KLHL1: variants seen among roughly 807,000 people sequenced by gnomAD.
The protein encoded by KLHL1 is kelch-like protein 1.
A neutral mutation model predicts 77.7 loss-of-function variants in KLHL1; 47 were observed. That is an observed-to-expected ratio of 0.60 (90% confidence interval 0.48 to 0.77). KLHL1 has a LOEUF of 0.77. KLHL1 is among the 30% of genes least tolerant of loss of function. KLHL1 has a pLI of 0.00. For synonymous variants in KLHL1, 360 were observed against 325.2 expected, an observed-to-expected ratio of 1.11 and a Z score of -1.15; for missense variants, 925 against 910.8, an observed-to-expected ratio of 1.02 and a Z score of -0.20.
intron 4 of KLHL1, among the ~76,000 whole-genome samples, chr13:69,935,211 GGT>G (rs1362017065): frequency 1.3e-5 from 2 of 151,184 alleles, no homozygotes; most frequent in Non-Finnish European, 2.9e-5. Flanking sequence ...AGTTGGTACT[GGT>G]GAACTTGGTA....
At chr13:69,976,423 T>C (rs1884546706) in intron 1 of KLHL1, among the ~76,000 whole-genome samples, 2 of 152,072 alleles carry the variant, frequency 1.3e-5, no homozygotes, top group Admixed American at 1.3e-4. Context: ...ATAAACTTTA[T>C]GATTTTGGAA....
At chr13:69,726,970 G>A (rs902159232) in intron 8 of KLHL1, among the ~76,000 whole-genome samples, 5 of 152,070 alleles carry the variant, frequency 3.3e-5, no homozygotes, top group African/African-American at 1.2e-4. Flanking sequence ...TGATTTATCT[G>A]TGGAAACTTA....
At chr13:69,893,456 G>T (rs1411066011) in intron 4 of KLHL1, among the ~76,000 whole-genome samples, 3 of 151,922 alleles carry the variant, frequency 2.0e-5, no homozygotes. Context: ...GGATGGTCTT[G>T]ATCTCCTGAC....
chr13:69,783,204 G>C (rs1283517122), intron 7 of KLHL1, among the ~76,000 whole-genome samples: 1 of 152,076 alleles, frequency 6.6e-6, no homozygotes, highest in East Asian at 1.9e-4. Flanking sequence ...ATCAAAAGTA[G>C]ATAAAATGAC....
intron 5 of KLHL1, among the ~76,000 whole-genome samples, chr13:69,848,515 T>C (rs1229588005): frequency 6.6e-6 from 1 of 151,556 alleles, no homozygotes; most frequent in African/African-American, 2.4e-5. Context: ...TCCCAATCCA[T>C]CCTACTGACA....
chr13:70,108,119 C>T lies in KLHL1; in HGVS notation c.-420G>A. The T allele has an allele frequency of 2.5e-6, 1 of 407,270 alleles. No individual in the cohort carries two copies. The highest frequency in any genetic ancestry group is 4.3e-6 in the Non-Finnish European group (1 of 231,088). The allele number at this position is 407,270 out of a possible 1,614,324, so 25.2% of individuals were successfully genotyped here. A position where few individuals can be genotyped will look rare whatever the true frequency, so the allele number is the denominator to read the frequency against. ...GCTGGATACACCTCACTGGGATGCG[C>T]TTGTGGCAGAGCCTTAGTAGGGAAG... On this transcript the variant is annotated 5_prime_UTR_variant, in exon 1 of 11. Transcript: ENST00000377844.
intron 6 of KLHL1, among the ~76,000 whole-genome samples, chr13:69,835,490 G>A (rs1424306): frequency 0.042 from 6,423 of 152,086 alleles, 239 homozygotes; most frequent in African/African-American, 0.096. Context: ...AACACAAGGC[G>A]GGAGAACAAG....
chr13:69,708,048 T>A lies in KLHL1; in HGVS notation c.2016-252A>T, dbSNP rs115112120. ...TCATTCAACAAAAATAATGTCATGA[T>A]GTCTTTCTACAAAAAAGTGTCAGAT... On this transcript the variant is annotated intron_variant, in intron 9 of 10. Coordinates refer to ENST00000377844, the MANE Select transcript of KLHL1 (RefSeq NM_020866.3). 3.1e-3 allele frequency among the ~76,000 whole-genome samples: 468 copies of A among 152,110 alleles called. 1 individual carries two copies. The highest frequency in any genetic ancestry group is 0.01 in the African/African-American group (425 of 41,552).
At chr13:70,008,212 T>A (rs142576245) in intron 1 of KLHL1, among the ~76,000 whole-genome samples, 1 of 152,166 alleles carries the variant, frequency 6.6e-6, no homozygotes, top group African/African-American at 2.4e-5. Flanking sequence ...GTTGTCATAA[T>A]AGTATTTATA....
At chr13:69,708,887 A>AT (rs1400284460) in intron 9 of KLHL1, among the ~76,000 whole-genome samples, 1 of 151,964 alleles carries the variant, frequency 6.6e-6, no homozygotes, top group Non-Finnish European at 1.5e-5. Flanking sequence ...TCCTGCTCCA[A>AT]TTTTTTTCAC....
chr13:69,961,536 C>A, intron 2 of KLHL1, 92 bp from the exon 3 acceptor site: 2 of 1,329,298 alleles, frequency 1.5e-6, no homozygotes, highest in South Asian at 1.3e-5. Flanking sequence ...CAAAATCAAT[C>A]TATTGATCAA....
At chr13:69,714,485 AC>A (rs1443327400) in intron 9 of KLHL1, among the ~76,000 whole-genome samples, 1 of 152,302 alleles carries the variant, frequency 6.6e-6, no homozygotes, top group East Asian at 1.9e-4. Context: ...ACAGTTCAAA[AC>A]TAAAGAACAA....
At chr13:69,944,039 C>A (rs1883443900) in intron 3 of KLHL1, among the ~76,000 whole-genome samples, 1 of 152,168 alleles carries the variant, frequency 6.6e-6, no homozygotes, top group African/African-American at 2.4e-5. Context: ...CTACTACCAT[C>A]CTCTGAAAGG....
chr13:69,802,585 T>C (rs1877432854), intron 6 of KLHL1, among the ~76,000 whole-genome samples: 1 of 152,154 alleles, frequency 6.6e-6, no homozygotes. Context: ...TAATCAGTTA[T>C]GTTATCTATA....
At chr13:69,844,290 T>G (rs2138119650) in intron 5 of KLHL1, among the ~76,000 whole-genome samples, 1 of 151,708 alleles carries the variant, frequency 6.6e-6, no homozygotes, top group Non-Finnish European at 1.5e-5. Flanking sequence ...ATAAAATGTG[T>G]CTTGTATTTA....
At chr13:69,938,988 C>A (rs866412625) in intron 4 of KLHL1, among the ~76,000 whole-genome samples, 2 of 151,708 alleles carry the variant, frequency 1.3e-5, no homozygotes, top group Non-Finnish European at 2.9e-5. Flanking sequence ...CATTTTAATT[C>A]TTTCTTTGAG....
chr13:69,797,733 G>T (rs1042798421), intron 6 of KLHL1, among the ~76,000 whole-genome samples: 8 of 151,362 alleles, frequency 5.3e-5, no homozygotes, highest in African/African-American at 1.9e-4. Context: ...GGAGGCTGAG[G>T]CAGGAGAATG....
intron 1 of KLHL1, among the ~76,000 whole-genome samples, chr13:70,007,347 T>A (rs1384231380): frequency 3.3e-5 from 5 of 151,852 alleles, no homozygotes; most frequent in Non-Finnish European, 7.4e-5. Flanking sequence ...CAATTGCTCA[T>A]ACACACAAAT....
At chr13:69,797,970 A>G (rs1170059463) in intron 6 of KLHL1, among the ~76,000 whole-genome samples, 7 of 152,222 alleles carry the variant, frequency 4.6e-5, no homozygotes, top group Admixed American at 4.6e-4. Flanking sequence ...GAGAAATGCA[A>G]TAACTCTGAC....
Sources: gnomAD v4.1 joint callset for allele counts (sites outside exome capture counted in the v4.1 genomes callset) on GRCh38, gnomAD v4.1.1 for gene constraint, MANE v1.5 for transcripts, NCBI Gene and HGNC (gene_info 2026-07-23, HGNC 2026-07-21) for gene names.